GALNT7: variants seen among roughly 807,000 people sequenced by gnomAD.
GALNT7 encodes N-acetylgalactosaminyltransferase 7.
In GALNT7, 60 loss-of-function variants were observed where a neutral mutation model predicts 82.1. The observed-to-expected ratio is 0.73, with a 90% CI of 0.59 to 0.91. GALNT7 has a LOEUF of 0.91. GALNT7 is among the 40% of genes least tolerant of loss of function. The probability of loss-of-function intolerance (pLI) is 0.00; values close to 1 mark genes in which losing one functional copy is unlikely to be tolerated. For synonymous variants in GALNT7, 243 were observed against 275.1 expected (o/e 0.88, Z 1.15); for missense variants, 660 against 804.2 (o/e 0.82, Z 2.17).
intron 1 of GALNT7, among the ~76,000 whole-genome samples, chr4:173,225,956 A>G (rs1171045291): frequency 5.9e-5 from 9 of 152,148 alleles, no homozygotes; most frequent in Non-Finnish European, 2.9e-5. Context: ...AGTCCTTCCA[A>G]TTTGGAGCAA....
chr4:173,319,838 A>G (rs1034221735), intron 11 of GALNT7, among the ~76,000 whole-genome samples: 10 of 152,174 alleles, frequency 6.6e-5, no homozygotes, highest in African/African-American at 2.2e-4. Flanking sequence ...GCAAAATGCC[A>G]TAGGACAGAA....
At chr4:173,197,837 C>T (rs979843789) in intron 1 of GALNT7, among the ~76,000 whole-genome samples, 4 of 152,170 alleles carry the variant, frequency 2.6e-5, no homozygotes, top group African/African-American at 9.7e-5. Context: ...TCTGGTCCAT[C>T]TTCTTGGCAG....
chr4:173,169,969 G>GTTAGCGCT (rs1731801826), intron 1 of GALNT7, among the ~76,000 whole-genome samples: 1 of 151,968 alleles, frequency 6.6e-6, no homozygotes, highest in Non-Finnish European at 1.5e-5. Flanking sequence ...CAGGGCGCGA[G>GTTAGCGCT]TGTTAGCGCT....
At chr4:173,279,421 A>G (rs563292802) in intron 2 of GALNT7, among the ~76,000 whole-genome samples, 2 of 152,314 alleles carry the variant, frequency 1.3e-5, no homozygotes, top group East Asian at 3.9e-4. Context: ...CCCCACCTCC[A>G]ACACTGGGGA....
At chr4:173,267,783 C>T (rs1735557672) in intron 2 of GALNT7, among the ~76,000 whole-genome samples, 1 of 152,116 alleles carries the variant, frequency 6.6e-6, no homozygotes, top group African/African-American at 2.4e-5. Flanking sequence ...TAATACTTGG[C>T]TTGTAAAGTT....
intron 1 of GALNT7, among the ~76,000 whole-genome samples, chr4:173,212,759 A>G (rs1321033983): frequency 1.3e-5 from 2 of 152,160 alleles, no homozygotes; most frequent in African/African-American, 2.4e-5. Flanking sequence ...TATCAATACA[A>G]CAGAACAAAG....
rs1279604080 is a variant in GALNT7, at chr4:173,317,626, T to C, written c.1609-8T>C. ...GCCTGCTTTTTGCGTCTTTATTCAT[T>C]TTTTTAGATCAGAGGCTTCGAAACT... On this transcript the variant is annotated splice_region_variant and splice_polypyrimidine_tract_variant and intron_variant, in intron 9 of 11. Transcript: ENST00000265000. 1 of 1,582,176 alleles carries C rather than the reference T, an allele frequency of 6.3e-7. No individual in the cohort carries two copies. Among genetic ancestry groups the C allele is most frequent in the African/African-American group, 1.3e-5 (1 of 74,158 alleles).
intron 1 of GALNT7, among the ~76,000 whole-genome samples, chr4:173,204,559 C>G (rs1405814611): frequency 6.6e-6 from 1 of 152,074 alleles, no homozygotes; most frequent in East Asian, 1.9e-4. Context: ...TTTAATGTTA[C>G]AGATTTTTAC....
rs764448768 is a variant in GALNT7, at chr4:173,320,229, C to T, written c.1837-1351C>T. Among the ~76,000 whole-genome samples, 9 of 152,002 alleles carry T rather than the reference C, an allele frequency of 5.9e-5. No homozygotes were observed. Among genetic ancestry groups the T allele is most frequent in the African/African-American group, 2.2e-4 (9 of 41,394 alleles). On this transcript the variant is annotated intron_variant, in intron 11 of 11. Coordinates refer to ENST00000265000, the MANE Select transcript of GALNT7 (RefSeq NM_017423.3). The surrounding 1 kb of genome is among the most constrained non-coding windows in gnomAD (Gnocchi z 4.1). ...CTTTCTGTCCTCTGGATTCCCTTTA[C>T]ACTCTTAAAAATTTTTGAGCTCCCC...
intron 1 of GALNT7, among the ~76,000 whole-genome samples, chr4:173,189,046 G>A (rs1732542061): frequency 2.0e-5 from 3 of 152,226 alleles, no homozygotes; most frequent in South Asian, 2.1e-4. Context: ...CTTGAACCCC[G>A]GTTGAGACCT....
At chr4:173,242,033 G>T (rs1734452843) in intron 1 of GALNT7, among the ~76,000 whole-genome samples, 1 of 152,098 alleles carries the variant, frequency 6.6e-6, no homozygotes, top group Non-Finnish European at 1.5e-5. Flanking sequence ...AGTAACTTTG[G>T]GACGAACTGG....
intron 1 of GALNT7, among the ~76,000 whole-genome samples, chr4:173,185,002 A>G (rs1732422403): frequency 6.6e-6 from 1 of 152,204 alleles, no homozygotes; most frequent in South Asian, 2.1e-4. Flanking sequence ...ATATTAATTT[A>G]CCTAATTTCT....
At chr4:173,221,006 G>A (rs1181948927) in intron 1 of GALNT7, among the ~76,000 whole-genome samples, 1 of 150,990 alleles carries the variant, frequency 6.6e-6, no homozygotes, top group Non-Finnish European at 1.5e-5. Flanking sequence ...TAGTCCTTTG[G>A]GTATATACCC....
chr4:173,302,071 A>G lies in GALNT7; in HGVS notation c.1173A>G (p.Leu391=). 6.3e-7 allele frequency: 1 copy of G among 1,581,386 alleles called. No individual in the cohort carries two copies. The highest frequency in any genetic ancestry group is 8.7e-7 in the Non-Finnish European group (1 of 1,150,344). The change falls in exon 7 of 12, where the codon TTA becomes TTG. Residue 391 remains leucine, a synonymous_variant. Coordinates refer to ENST00000265000, the MANE Select transcript of GALNT7 (RefSeq NM_017423.3). The surrounding 1 kb of genome is among the most constrained non-coding windows in gnomAD (Gnocchi z 4.2). ...GGTCCCCAGCCATGGCTGGGGGATT[A>G]TTTGCCATTGAACGAGAGTTCTTCT... ...PYRSPAMAGG[L]FAIEREFFFE...
At chr4:173,295,147 T>G (rs1056382739) in intron 3 of GALNT7, among the ~76,000 whole-genome samples, 1 of 152,196 alleles carries the variant, frequency 6.6e-6, no homozygotes, top group Non-Finnish European at 1.5e-5. Flanking sequence ...ACCTTAACTG[T>G]CAATTCGAAT....
At chr4:173,177,345 T>C (rs545988690) in intron 1 of GALNT7, among the ~76,000 whole-genome samples, 1 of 152,188 alleles carries the variant, frequency 6.6e-6, no homozygotes, top group South Asian at 2.1e-4. Flanking sequence ...CATATAGTAT[T>C]TTATAGAACA....
intron 2 of GALNT7, among the ~76,000 whole-genome samples, chr4:173,284,582 G>T (rs398088726): frequency 6.6e-6 from 1 of 152,028 alleles, no homozygotes; most frequent in Admixed American, 6.6e-5. Context: ...AAAGCAAGGG[G>T]CCAGGAAAGA....
At chr4:173,303,025 T>C (rs1326727156) in intron 7 of GALNT7, among the ~76,000 whole-genome samples, 1 of 152,040 alleles carries the variant, frequency 6.6e-6, no homozygotes, top group Non-Finnish European at 1.5e-5. Context: ...TGAAACCCCA[T>C]CTCTACTAAA....
At chr4:173,236,005 C>T (rs1172778703) in intron 1 of GALNT7, among the ~76,000 whole-genome samples, 1 of 152,208 alleles carries the variant, frequency 6.6e-6, no homozygotes, top group African/African-American at 2.4e-5. Context: ...CTTTGTATCT[C>T]TGTAACCTGG....
Sources: gnomAD v4.1 joint callset for allele counts (sites outside exome capture counted in the v4.1 genomes callset) on GRCh38, gnomAD v4.1.1 for gene constraint, Gnocchi (gnomAD v3.1) non-coding constraint, MANE v1.5 for transcripts, NCBI Gene and HGNC (gene_info 2026-07-23, HGNC 2026-07-21) for gene names.